SH3TC1: variants seen among roughly 807,000 people sequenced by gnomAD.
SH3TC1 encodes SH3 domain and tetratricopeptide repeat-containing protein 1.
Under a neutral mutation model 117.3 loss-of-function variants are expected in SH3TC1, and 135 were observed. The ratio of observed to expected loss-of-function variants is 1.15; its 90% confidence interval spans 1.00 to 1.33. SH3TC1 has a LOEUF of 1.33. SH3TC1 is among the 40% of genes most tolerant of loss of function. SH3TC1 has a pLI of 0.00. For synonymous variants in SH3TC1, 898 were observed against 816.9 expected (o/e 1.10, Z -1.69); for missense variants, 2,092 against 1,794.3 (o/e 1.17, Z -3.00).
intron 14 of SH3TC1, 31 bp from the exon 15 acceptor site, chr4:8,235,402 G>A: frequency 6.9e-7 from 1 of 1,453,662 alleles, no homozygotes; most frequent in Admixed American, 2.4e-5. Context: ...CACCAGGTGT[G>A]GGTCTTGAGG....
chr4:8,237,901 G>A (rs1721969584), intron 17 of SH3TC1, among the ~76,000 whole-genome samples: 1 of 152,158 alleles, frequency 6.6e-6, no homozygotes, highest in Admixed American at 6.5e-5. Context: ...TGATACATGA[G>A]TGGGCAATGG....
rs771921399 is a variant in SH3TC1 at position 8,227,059 on chromosome 4, C to A, written c.1365C>A (p.Thr455=). 2 of 1,606,542 alleles carry A rather than the reference C, an allele frequency of 1.2e-6. No individual in the cohort carries two copies. Among genetic ancestry groups the A allele is most frequent in the Middle Eastern group, 1.7e-4 (1 of 6,034 alleles). Residue 455 remains threonine (T), a synonymous_variant, in exon 12 of 18, where the codon ACC becomes ACA. Coordinates refer to ENST00000245105, the MANE Select transcript of SH3TC1 (RefSeq NM_018986.5). ...KVKNVLEQCK[T]CPGCPQEPAS... ...AGAATGTTCTGGAACAATGCAAGAC[C>A]TGCCCAGGCTGCCCCCAGGAGCCAG...
rs779782975 is a variant in SH3TC1 at position 8,209,632 on chromosome 4, C to T, written c.173-116C>T. ...GAAGGCAGCTGTGGGAAAGGCGGCT[C>T]GTGCGGGACAGAACTCACCTCTTTT... is the stretch of plus-strand genomic sequence containing the variant. On this transcript the variant is annotated intron_variant, in intron 2 of 17. Coordinates refer to ENST00000245105, the MANE Select transcript of SH3TC1 (RefSeq NM_018986.5). This position sits in a 1 kb window ranked among gnomAD's most constrained non-coding sequence, Gnocchi z 5.9. 23 of 1,544,954 alleles carry T rather than the reference C, an allele frequency of 1.5e-5. No homozygotes were observed. The highest frequency in any genetic ancestry group is 1.2e-4 in the African/African-American group (9 of 73,352).
In SH3TC1 at chr4:8,225,094, A is replaced by T. The variant is rs1720335336; in HGVS notation, c.1244-81A>T. On this transcript the variant is annotated intron_variant, in intron 10 of 17. Transcript: ENST00000245105. This position sits in a 1 kb window ranked among gnomAD's most constrained non-coding sequence, Gnocchi z 5.5. ...CACCCAGCAATGCTCTCACCCTGCA[A>T]CATCGACACTAGCTCAACCTGGCAG... 6.5e-7 allele frequency: 1 copy of T among 1,543,800 alleles called. No individual in the cohort carries two copies. The highest frequency in any genetic ancestry group is 1.1e-5 in the South Asian group (1 of 87,318).
At chr4:8,193,789 C>T (rs550036244) in intron 1 of SH3TC1, among the ~76,000 whole-genome samples, 28 of 152,286 alleles carry the variant, frequency 1.8e-4, no homozygotes, top group African/African-American at 6.3e-4. Flanking sequence ...GTGGGACCGA[C>T]CCTCAGAAGT....
intron 14 of SH3TC1, among the ~76,000 whole-genome samples, chr4:8,234,185 T>C (rs1383469250): frequency 2.2e-5 from 3 of 138,938 alleles, no homozygotes; most frequent in Admixed American, 2.2e-4. Flanking sequence ...CCATCCATCA[T>C]CCATCCATTC....
At position 8,199,824 on chromosome 4, in the gene SH3TC1, C is replaced by T. The variant is rs376141100; in HGVS notation, c.-29+419C>T. Among the ~76,000 whole-genome samples, 10 of 152,296 alleles carry T rather than the reference C, an allele frequency of 6.6e-5. No homozygotes were observed. In the East Asian group the frequency reaches 7.7e-4, roughly 12 times the overall value. ...GGCCACACTACCAGACCTACCAGGG[C>T]GAGCCCAGCGCCTCAGCCTCACCCG... is the stretch of plus-strand genomic sequence containing the variant. On this transcript the variant is annotated intron_variant, in intron 1 of 17. Coordinates refer to ENST00000245105, the MANE Select transcript of SH3TC1 (RefSeq NM_018986.5).
chr4:8,205,037 C>A lies in SH3TC1; in HGVS notation c.-28-130C>A. ...ACACGGTGCACGGTGCGGTGAGGGG[C>A]TCGCTGGATCTGAAAGGTGCAGGCG... On this transcript the variant is annotated intron_variant, in intron 1 of 17. Transcript: ENST00000245105. The surrounding 1 kb of genome is among the most constrained non-coding windows in gnomAD (Gnocchi z 5.4). 1 of 665,364 alleles carries A rather than the reference C, an allele frequency of 1.5e-6. No individual in the cohort carries two copies. The highest frequency in any genetic ancestry group is 2.4e-6 in the Non-Finnish European group (1 of 420,820). 41.2% of individuals were successfully genotyped at this position (665,364 alleles called of 1,614,324 possible).
At chr4:8,216,693 C>T (rs62288599) in intron 6 of SH3TC1, among the ~76,000 whole-genome samples, 44,648 of 152,072 alleles carry the variant, frequency 0.29, 7,870 homozygotes, top group Middle Eastern at 0.44. Context: ...CCTTTGGCTC[C>T]GCATCGCACA....
intron 13 of SH3TC1, 84 bp from the exon 14 acceptor site, chr4:8,233,279 C>G (rs775005668): frequency 6.6e-7 from 1 of 1,511,086 alleles, no homozygotes; most frequent in African/African-American, 1.4e-5. Context: ...ATTCCAGATT[C>G]ATCTGTCACC....
intron 13 of SH3TC1, chr4:8,232,651 T>A: frequency 7.7e-7 from 1 of 1,296,210 alleles, no homozygotes; most frequent in East Asian, 5.4e-5. Context: ...CACTTGGCTC[T>A]CCTGGAGCAT....
At chr4:8,199,493 T>A (rs1286176530) in intron 1 of SH3TC1, 88 bp downstream of exon 1, 1 of 152,170 alleles carries the variant, frequency 6.6e-6, no homozygotes, top group East Asian at 1.9e-4. Flanking sequence ...CTTTACACTT[T>A]CTTGAGGACT....
intron 17 of SH3TC1, among the ~76,000 whole-genome samples, chr4:8,239,240 C>T (rs1722093890): frequency 7.1e-6 from 1 of 140,176 alleles, no homozygotes; most frequent in African/African-American, 2.5e-5. Flanking sequence ...GCACGCTGCA[C>T]GCACAGGGAC....
chr4:8,195,757 G>T (rs1717540991), upstream of SH3TC1, among the ~76,000 whole-genome samples: 1 of 152,202 alleles, frequency 6.6e-6, no homozygotes, highest in Non-Finnish European at 1.5e-5. Context: ...TGGAGAAGGG[G>T]TGGAGGTGTG....
Position 8,219,536 on chromosome 4 carries a change from T to G in SH3TC1, c.1112+6T>G, listed in dbSNP as rs533628034. 58 of 1,536,992 alleles carry G rather than the reference T, an allele frequency of 3.8e-5. No homozygotes were observed. The African/African-American group carries it at 6.6e-4, about 17-fold the overall frequency. The stretch of plus-strand genomic sequence containing the variant: ...ATGCAGGGCCCCGTGTCCGAGTGAG[T>G]GGCTGGAGCCCCGCCCCTTTCCTGA... On this transcript the variant is annotated splice_donor_region_variant and intron_variant, in intron 9 of 17. Transcript: ENST00000245105.
In SH3TC1 at chr4:8,192,769, G is replaced by A. The variant is rs1418179644; in HGVS notation, c.-57+10559G>A. Among the ~76,000 whole-genome samples the A allele has an allele frequency of 1.3e-5, 2 of 152,230 alleles. No individual in the cohort carries two copies. The highest frequency in any genetic ancestry group is 4.8e-5 in the African/African-American group (2 of 41,458). On this transcript the variant is annotated intron_variant, in intron 1 of 16. Coordinates refer to the SH3TC1 transcript ENST00000508641. This position sits in a 1 kb window ranked among gnomAD's most constrained non-coding sequence, Gnocchi z 4.1. ...GGTCTCCCTAAGTGCTGGGATTACA[G>A]GCGTGAGCCACGGTGCCCGGCCCAC... is the stretch of plus-strand genomic sequence containing the variant.
At chr4:8,233,980 A>G (rs1721517975) in intron 14 of SH3TC1, among the ~76,000 whole-genome samples, 1 of 73,852 alleles carries the variant, frequency 1.4e-5, no homozygotes, top group South Asian at 3.4e-4. Flanking sequence ...TTGTCCATCC[A>G]TCCATCCATC....
Position 8,228,013 on chromosome 4 carries a change from G to T in SH3TC1, c.2319G>T (p.Leu773=). The change falls in exon 12 of 18, where the codon CTG becomes CTT. Residue 773 remains leucine, a synonymous_variant. Coordinates refer to ENST00000245105, the MANE Select transcript of SH3TC1 (RefSeq NM_018986.5). Reference sequence around the variant, plus strand: ...CTTCCCACTACCTCAGGCAAGCGCTGGCCTCCCTGACCCCGGGCACAGGCC... The same window carrying T: ...CTTCCCACTACCTCAGGCAAGCGCTTGCCTCCCTGACCCCGGGCACAGGCC... ...AQTSHYLRQA[L]ASLTPGTGQA... 6.2e-7 allele frequency: 1 copy of T among 1,611,640 alleles called. No homozygotes were observed. The highest frequency in any genetic ancestry group is 1.7e-5 in the Admixed American group (1 of 59,980).
rs768605183 is a variant in SH3TC1, at chr4:8,232,101, G to A, written c.3076G>A (p.Glu1026Lys). ...LACKVADKVLEGQLLETISQL... is the reference protein window; with the variant it reads ...LACKVADKVLKGQLLETISQL... The stretch of plus-strand genomic sequence containing the variant: ...CTGCAAGGTGGCCGACAAGGTGCTG[G>A]AGGGGCAGCTCCTGGAGACCATCAG... Residue 1026 changes from glutamate (E) to lysine (K), a missense_variant, in exon 13 of 18, where the codon GAG becomes AAG. By Grantham distance (56) the Glu-to-Lys change is moderately conservative. Transcript: ENST00000245105. The A allele has an allele frequency of 6.8e-6, 11 of 1,612,724 alleles. No homozygotes were observed. The highest frequency in any genetic ancestry group is 1.7e-5 in the Admixed American group (1 of 59,958).
Sources: gnomAD v4.1 joint callset for allele counts (sites outside exome capture counted in the v4.1 genomes callset) on GRCh38, gnomAD v4.1.1 for gene constraint, Gnocchi (gnomAD v3.1) non-coding constraint, MANE v1.5 for transcripts, NCBI Gene and HGNC (gene_info 2026-07-23, HGNC 2026-07-21) for gene names.